Variants in DMXL2 observed in about 807,000 individuals in gnomAD.
The protein encoded by DMXL2 is dmX-like protein 2.
In DMXL2, 103 loss-of-function variants were observed where a neutral mutation model predicts 331.1. The ratio of observed to expected loss-of-function variants is 0.31; its 90% CI spans 0.27 to 0.37. DMXL2 has a LOEUF of 0.37. Among genes scored for constraint, DMXL2 ranks in the 10% least tolerant of loss-of-function variants. The pLI, the probability that DMXL2 is intolerant of heterozygous loss-of-function variation, is 1.00. For synonymous variants in DMXL2, 1,281 were observed against 1,252.1 expected, an observed-to-expected ratio of 1.02 and a Z score of -0.49; for missense variants, 3,171 against 3,642.9, an observed-to-expected ratio of 0.87 and a Z score of 3.33.
chr15:51,467,929 T>C (rs1019290674), intron 29 of DMXL2, among the ~76,000 whole-genome samples: 1 of 152,148 alleles, frequency 6.6e-6, no homozygotes, highest in Non-Finnish European at 1.5e-5. Context: ...GGTTTCACCG[T>C]GTTAGCCAGG....
At chr15:51,455,126 C>T (rs1243887967) in intron 40 of DMXL2, 25 bp downstream of exon 40, 4 of 1,581,434 alleles carry the variant, frequency 2.5e-6, no homozygotes, top group East Asian at 2.2e-5. Context: ...GTATATGCGC[C>T]CTGGGAACAT....
chr15:51,464,769 A>C lies in DMXL2; in HGVS notation c.7714T>G (p.Tyr2572Asp). 1 of 1,614,138 alleles carries C rather than the reference A, an allele frequency of 6.2e-7. No homozygotes were observed. Among genetic ancestry groups the C allele is most frequent in the Non-Finnish European group, 8.5e-7 (1 of 1,179,990 alleles). ...AGGTCAGTTGGATATGTGTTGATAT[A>C]GTTAGGGGGTGGACCTTCAAACTGA... ...MDQFEGPPPNYINTYPTDLSV... is the reference protein window; with the variant it reads ...MDQFEGPPPNDINTYPTDLSV... The change falls in exon 32 of 44, where the codon TAT becomes GAT. Residue 2572 changes from tyrosine to aspartate, a missense_variant. Physicochemically the swap from Tyr to Asp is radical, Grantham distance 160. Transcript: ENST00000560891.
chr15:51,505,467 C>G (rs57860217), intron 16 of DMXL2, among the ~76,000 whole-genome samples: 8,654 of 152,282 alleles, frequency 0.057, 689 homozygotes, highest in African/African-American at 0.18. Flanking sequence ...AGAGCCACTC[C>G]CATTTCTGTG....
In DMXL2 at chr15:51,576,183, TAAAAA is replaced by T. The variant is rs3078066; in HGVS notation, c.88-7_88-3del. Reference sequence around the variant, plus strand: ...AATATCACAGCCTGATCCATATGCCTAAAAAAAAAAAAAAAAAAAAGTTTTACAAT... The same window carrying T: ...AATATCACAGCCTGATCCATATGCCTAAAAAAAAAAAAAAAGTTTTACAAT... On this transcript the variant is annotated splice_region_variant and splice_polypyrimidine_tract_variant and intron_variant, in intron 1 of 43. Coordinates refer to ENST00000560891, the MANE Select transcript of DMXL2 (RefSeq NM_001378457.1). 206 of 628,088 alleles carry T rather than the reference TAAAAA, an allele frequency of 3.3e-4. 2 individuals are homozygous for T. The highest frequency in any genetic ancestry group is 8.1e-4 in the South Asian group (19 of 23,466). The allele number at this position is 628,088 out of a possible 1,614,324, so 38.9% of individuals were successfully genotyped here.
At chr15:51,474,659 A>G (rs895825384) in intron 27 of DMXL2, 67 bp from the exon 28 acceptor site, 17 of 1,484,120 alleles carry the variant, frequency 1.1e-5, no homozygotes, top group African/African-American at 2.8e-5. Context: ...AAACATCCAA[A>G]TTTGCAACTT....
Position 51,481,166 on chromosome 15 carries a change from T to C in DMXL2, c.5940A>G (p.Glu1980=). 6.2e-7 allele frequency: 1 copy of C among 1,613,778 alleles called. No individual in the cohort carries two copies. The highest frequency in any genetic ancestry group is 8.5e-7 in the Non-Finnish European group (1 of 1,179,774). The stretch of plus-strand genomic sequence containing the variant: ...CTTCATCTAAGGCACTGTCGTGATC[T>C]TCACCCCAATCAAGATTAAGAGGTT... The part of the protein sequence containing the change: ...DEEPLNLDWG[E]DHDSALDEEE... Residue 1980 remains glutamate, a synonymous_variant, in exon 24 of 44, where the codon GAA becomes GAG. Coordinates refer to ENST00000560891, the MANE Select transcript of DMXL2 (RefSeq NM_001378457.1).
intron 6 of DMXL2, among the ~76,000 whole-genome samples, chr15:51,554,134 A>T (rs2049398511): frequency 6.6e-6 from 1 of 152,250 alleles, no homozygotes; most frequent in Non-Finnish European, 1.5e-5. Context: ...AGCAATGATT[A>T]ACTGGGAATA....
chr15:51,480,239 G>A (rs2041910839), intron 24 of DMXL2, 100 bp from the exon 25 acceptor site: 2 of 1,198,302 alleles, frequency 1.7e-6, no homozygotes, highest in Non-Finnish European at 2.3e-6. Context: ...AAGGGAATAT[G>A]TTCGCTCACT....
chr15:51,604,620 CAT>C (rs1236203413), intron 1 of DMXL2, among the ~76,000 whole-genome samples: 1 of 152,096 alleles, frequency 6.6e-6, no homozygotes. Flanking sequence ...TAAATATAGA[CAT>C]ATGTTCATAA....
At chr15:51,585,732 T>C (rs1269680765) in intron 1 of DMXL2, among the ~76,000 whole-genome samples, 1 of 152,188 alleles carries the variant, frequency 6.6e-6, no homozygotes, top group African/African-American at 2.4e-5. Context: ...AATCTTTCCA[T>C]TCCAACAAAA....
rs1454025245 is a variant in DMXL2, at chr15:51,481,123, C to T, written c.5983G>A (p.Gly1995Ser). Residue 1995 changes from glycine to serine, a missense_variant, in exon 24 of 44, where the codon GGT becomes AGT. This residue lies in a region of DMXL2 where 244 missense variants were observed against 251.4 expected (regional missense o/e 0.97). Coordinates refer to ENST00000560891, the MANE Select transcript of DMXL2 (RefSeq NM_001378457.1). Reference protein sequence around the residue: ...ALDEEEDDAVGLVMKSTDARE... With the variant: ...ALDEEEDDAVSLVMKSTDARE... ...GCATCTGTACTTTTCATCACTAAACCAACAGCATCGTCTTCCTCTTCATCT... is the reference window on the plus strand; with the variant it reads ...GCATCTGTACTTTTCATCACTAAACTAACAGCATCGTCTTCCTCTTCATCT... 1.2e-6 allele frequency: 2 copies of T among 1,611,782 alleles called. No individual in the cohort carries two copies. Among genetic ancestry groups the T allele is most frequent in the African/African-American group, 1.3e-5 (1 of 74,966 alleles).
chr15:51,580,071 C>A (rs1305454340), intron 1 of DMXL2, among the ~76,000 whole-genome samples: 4 of 152,134 alleles, frequency 2.6e-5, no homozygotes, highest in Admixed American at 1.3e-4. Context: ...GGAGTGTGTT[C>A]ATTTTTGTAA....
chr15:51,569,048 C>T lies in DMXL2; in HGVS notation c.214-490G>A, dbSNP rs138477017. On this transcript the variant is annotated intron_variant, in intron 2 of 43. Transcript: ENST00000560891. ...GCTAGCCAAGGGAAGCTGTGAGAGACGGTACCGGGAAGAACAGTACACTCT... is the reference window on the plus strand; with the variant it reads ...GCTAGCCAAGGGAAGCTGTGAGAGATGGTACCGGGAAGAACAGTACACTCT... Among the ~76,000 whole-genome samples, 56 of 152,274 alleles carry T rather than the reference C, an allele frequency of 3.7e-4. No individual in the cohort carries two copies. In the East Asian group the frequency reaches 5.6e-3, roughly 15 times the overall value.
chr15:51,517,732 C>T (rs754098067), intron 13 of DMXL2, among the ~76,000 whole-genome samples: 11 of 152,190 alleles, frequency 7.2e-5, no homozygotes, highest in Non-Finnish European at 1.5e-4. Flanking sequence ...AAGAAATGCC[C>T]ATTCTCCTCA....
chr15:51,598,201 C>T (rs558341936), intron 1 of DMXL2, among the ~76,000 whole-genome samples: 16 of 152,230 alleles, frequency 1.1e-4, no homozygotes, highest in African/African-American at 3.4e-4. Flanking sequence ...TTCAGGCTTA[C>T]AAAAAGTTGT....
chr15:51,557,733 T>C (rs148064855), intron 6 of DMXL2, among the ~76,000 whole-genome samples: 1 of 152,244 alleles, frequency 6.6e-6, no homozygotes, highest in East Asian at 1.9e-4. Context: ...ATATGGACAT[T>C]TGATTTTATG....
intron 27 of DMXL2, among the ~76,000 whole-genome samples, chr15:51,475,482 A>C (rs1296866229): frequency 6.6e-6 from 1 of 152,160 alleles, no homozygotes; most frequent in Non-Finnish European, 1.5e-5. Context: ...CGACAGAGCA[A>C]GACTCTGTCT....
At chr15:51,456,016 TATCCACAACTATTTTCAGATG>T (rs1256100760) in intron 39 of DMXL2, 29 bp downstream of exon 39, 2 of 1,601,652 alleles carry the variant, frequency 1.2e-6, no homozygotes, top group African/African-American at 2.7e-5. Flanking sequence ...TACTCCTAAA[TATCCACAACTATTTTCAGATG>T]AATTCAGCAG....
chr15:51,457,655 T>C, intron 36 of DMXL2, 189 bp from the exon 37 acceptor site: 1 of 580,118 alleles, frequency 1.7e-6, no homozygotes, highest in Non-Finnish European at 2.9e-6. Context: ...TTTGGCAAAA[T>C]GTAAATTTAG....
Sources: gnomAD v4.1 joint callset for allele counts (sites outside exome capture counted in the v4.1 genomes callset) on GRCh38, gnomAD v4.1.1 for gene constraint, gnomAD v4.1.1 regional missense constraint, MANE v1.5 for transcripts, NCBI Gene and HGNC (gene_info 2026-07-23, HGNC 2026-07-21) for gene names.